The following YEATS2 variants were observed in gnomAD, a reference collection of about 807,000 sequenced individuals.
YEATS2 encodes YEATS domain-containing protein 2.
In YEATS2, 77 loss-of-function variants were observed where a neutral mutation model predicts 163.2. That is an observed-to-expected ratio of 0.47 (90% CI 0.39 to 0.57). YEATS2 has a LOEUF of 0.57. Among genes scored for constraint, YEATS2 ranks in the 20% least tolerant of loss-of-function variants. The probability of loss-of-function intolerance (pLI) is 0.00; values close to 1 mark genes in which losing one functional copy is unlikely to be tolerated. For missense variants in YEATS2, 1,549 were observed against 1,729.8 expected, an observed-to-expected ratio of 0.90 and a Z score of 1.85; for synonymous variants, 631 against 645.1, an observed-to-expected ratio of 0.98 and a Z score of 0.33.
rs1318091976 is a variant in YEATS2, at chr3:183,718,374, CTTTT to C, written c.199-125_199-122del. 5 of 678,726 alleles carry C rather than the reference CTTTT, an allele frequency of 7.4e-6. No individual in the cohort carries two copies. In the East Asian group the frequency reaches 1.5e-4, roughly 20 times the overall value. 42.0% of individuals were successfully genotyped at this position (678,726 alleles called of 1,614,324 possible). On this transcript the variant is annotated intron_variant, in intron 3 of 30. Transcript: ENST00000305135. ...GAAAAGGTCACTTTTATTTGTTTTT[CTTTT>C]GATTGTTAGAGAAGTTGAGCTTTTT...
At position 183,754,273 on chromosome 3, in the gene YEATS2, G is replaced by C; in HGVS notation, c.1298G>C (p.Ser433Thr). ...GNSAFQPIAS[S>T]CKIVPQSQVP... ...TCAGCTTTCCAGCCAATAGCATCAA[G>C]CTGCAAAATTGTTCCACAAAGTCAG... Residue 433 changes from serine (S) to threonine (T), a missense_variant, in exon 11 of 31, where the codon AGC becomes ACC. By Grantham distance (58) the Ser-to-Thr change is moderately conservative. Transcript: ENST00000305135. 1 of 1,614,158 alleles carries C rather than the reference G, an allele frequency of 6.2e-7. No individual in the cohort carries two copies. Among genetic ancestry groups the C allele is most frequent in the East Asian group, 2.2e-5 (1 of 44,888 alleles).
chr3:183,744,001 T>A (rs1198784157), intron 8 of YEATS2, among the ~76,000 whole-genome samples: 1 of 152,012 alleles, frequency 6.6e-6, no homozygotes, highest in Non-Finnish European at 1.5e-5. Context: ...GGTTGCCTTA[T>A]GACCTCAGAG....
intron 20 of YEATS2, among the ~76,000 whole-genome samples, chr3:183,789,695 C>T (rs1229077393): frequency 3.0e-5 from 4 of 131,250 alleles, no homozygotes; most frequent in African/African-American, 5.6e-5. Context: ...ACCACCACGC[C>T]CAGCTAATTT....
In YEATS2 at chr3:183,777,595, C is replaced by G; in HGVS notation, c.2631C>G (p.Thr877=). ...CCCAGACTTCTGGAAAACAACTCAC[C>G]ACTGGGTCAGTGGTCCAAGGAACAC... is the stretch of plus-strand genomic sequence containing the variant. ...PSPQTSGKQL[T]TGSVVQGTLG... is the part of the protein sequence containing the mutation. Residue 877 remains threonine, a synonymous_variant, in exon 19 of 31, where the codon ACC becomes ACG. Transcript: ENST00000305135. The G allele has an allele frequency of 6.2e-7, 1 of 1,614,048 alleles. No individual in the cohort carries two copies. The highest frequency in any genetic ancestry group is 8.5e-7 in the Non-Finnish European group (1 of 1,180,002).
chr3:183,780,728 A>G lies in YEATS2; in HGVS notation c.2736+3028A>G, dbSNP rs967169317. 5.3e-5 allele frequency among the ~76,000 whole-genome samples: 8 copies of G among 152,318 alleles called. No homozygotes were observed. In the East Asian group the frequency reaches 1.4e-3, roughly 26 times the overall value. The stretch of plus-strand genomic sequence containing the variant: ...TGCAGTCACAGAGAAGAATTTTAAC[A>G]TGTCTCTCAGCATTTAGCTAATCAA... On this transcript the variant is annotated intron_variant, in intron 19 of 30. Coordinates refer to ENST00000305135, the MANE Select transcript of YEATS2 (RefSeq NM_018023.5).
chr3:183,726,587 G>T (rs1577065396), intron 6 of YEATS2, among the ~76,000 whole-genome samples: 1 of 151,972 alleles, frequency 6.6e-6, no homozygotes, highest in East Asian at 1.9e-4. Flanking sequence ...TTTGATGGAG[G>T]AAAATTGATT....
At chr3:183,723,760 A>C (rs1716777130) in intron 5 of YEATS2, among the ~76,000 whole-genome samples, 1 of 152,142 alleles carries the variant, frequency 6.6e-6, no homozygotes, top group South Asian at 2.1e-4. Flanking sequence ...AAAAATACAA[A>C]AATTACCTGG....
At chr3:183,810,416 A>G in intron 30 of YEATS2, 59 bp from the exon 31 acceptor site, 1 of 1,461,938 alleles carries the variant, frequency 6.8e-7, no homozygotes, top group Non-Finnish European at 9.5e-7. Context: ...TAAGTGAATA[A>G]ATGATGAGAT....
At position 183,804,076 on chromosome 3, in the gene YEATS2, G is replaced by C; in HGVS notation, c.3672G>C (p.Lys1224Asn). The C allele has an allele frequency of 6.2e-7, 1 of 1,614,134 alleles. No individual in the cohort carries two copies. The highest frequency in any genetic ancestry group is 8.5e-7 in the Non-Finnish European group (1 of 1,180,034). The change falls in exon 27 of 31, where the codon AAG becomes AAC. Residue 1224 changes from lysine to asparagine, a missense_variant. Physicochemically the swap from Lys to Asn is moderately conservative, Grantham distance 94 (BLOSUM62 0). Transcript: ENST00000305135. ...RFHHLTPLKT[K>N]HIAHWCRCHG... ...ACCACCTGACTCCCCTCAAAACCAA[G>C]CACATCGCTCACTGGTGCCGCTGTC...
At chr3:183,808,290 T>C (rs954650479) in intron 29 of YEATS2, 186 bp downstream of exon 29, 18 of 581,902 alleles carry the variant, frequency 3.1e-5, no homozygotes, top group Non-Finnish European at 5.1e-5. Flanking sequence ...GACTAAGTTA[T>C]GTTTCCTCTG....
In YEATS2 at chr3:183,724,533, T is replaced by C; in HGVS notation, c.650+2T>C. ...AATAGTAGTGGGCAATGTGTCCAAGTGAGTATCCAGTTGAATTTATTTTTA... is the reference window on the plus strand; with the variant it reads ...AATAGTAGTGGGCAATGTGTCCAAGCGAGTATCCAGTTGAATTTATTTTTA... On this transcript the variant is annotated splice_donor_variant, in intron 6 of 30. Transcript: ENST00000305135. LOFTEE classifies it high-confidence loss of function. 6.3e-7 allele frequency: 1 copy of C among 1,588,914 alleles called. No homozygotes were observed. Among genetic ancestry groups the C allele is most frequent in the Non-Finnish European group, 8.6e-7 (1 of 1,160,600 alleles).
At chr3:183,803,055 T>C (rs1216796664) in intron 25 of YEATS2, 21 of 587,256 alleles carry the variant, frequency 3.6e-5, no homozygotes, top group Non-Finnish European at 5.8e-5. Context: ...CAGGAAGGTG[T>C]GTTGCTTTGA....
At chr3:183,753,925 A>T (rs1003639908) in intron 10 of YEATS2, among the ~76,000 whole-genome samples, 9 of 152,152 alleles carry the variant, frequency 5.9e-5, no homozygotes, top group African/African-American at 1.9e-4. Flanking sequence ...AAGTTTTTTT[A>T]AAAAAGCACT....
At chr3:183,752,349 C>T in intron 10 of YEATS2, 96 bp downstream of exon 10, 1 of 1,438,366 alleles carries the variant, frequency 7.0e-7, no homozygotes. Context: ...AATAACTTTG[C>T]TATAAGTGGA....
rs553921636 is a variant in YEATS2, at chr3:183,781,473, C to T, written c.2736+3773C>T. ...TTGGCGAGGGCGGATCTTCTTTACT[C>T]TGTCTGCTAATCCAAATGCTGGTCT... is the stretch of plus-strand genomic sequence containing the variant. On this transcript the variant is annotated intron_variant, in intron 19 of 30. Coordinates refer to ENST00000305135, the MANE Select transcript of YEATS2 (RefSeq NM_018023.5). 2.0e-5 allele frequency among the ~76,000 whole-genome samples: 3 copies of T among 152,290 alleles called. No homozygotes were observed. In the South Asian group the frequency reaches 6.2e-4, roughly 32 times the overall value.
At chr3:183,806,287 C>T (rs1329739677) in intron 27 of YEATS2, 1 of 456,002 alleles carries the variant, frequency 2.2e-6, no homozygotes, top group Admixed American at 2.3e-5. Context: ...AAACAAAAGG[C>T]CAGGAGCTGG....
rs1716144890 is a variant in YEATS2, at chr3:183,718,530, A to G, written c.229A>G (p.Lys77Glu). The change falls in exon 4 of 31, where the codon AAA becomes GAA. Residue 77 changes from lysine (K) to glutamate (E), a missense_variant. Transcript: ENST00000305135. ...GATTGAAGCAAGAAGGATGATGGAT[A>G]AACTGCGTGCCTGCATTGTAGCAAA... is the stretch of plus-strand genomic sequence containing the variant. ...RLIEARRMMD[K>E]LRACIVANYY... The G allele has an allele frequency of 6.2e-7, 1 of 1,613,458 alleles. No individual in the cohort carries two copies. Among genetic ancestry groups the G allele is most frequent in the South Asian group, 1.1e-5 (1 of 90,906 alleles).
chr3:183,759,529 T>A (rs950209476), intron 13 of YEATS2, among the ~76,000 whole-genome samples: 3 of 152,188 alleles, frequency 2.0e-5, no homozygotes, highest in Admixed American at 2.0e-4. Context: ...CCCTTTCTTT[T>A]GCTTATTAAA....
At chr3:183,799,038 T>A in intron 23 of YEATS2, 49 bp downstream of exon 23, 1 of 1,424,980 alleles carries the variant, frequency 7.0e-7, no homozygotes, top group Non-Finnish European at 9.9e-7. Flanking sequence ...GTTACTTTTT[T>A]ATTGTCGTTC....
Sources: gnomAD v4.1 joint callset for allele counts (sites outside exome capture counted in the v4.1 genomes callset) on GRCh38, gnomAD v4.1.1 for gene constraint, MANE v1.5 for transcripts, NCBI Gene and HGNC (gene_info 2026-07-23, HGNC 2026-07-21) for gene names.